PTPN13: variants seen among roughly 807,000 people sequenced by gnomAD.
PTPN13 encodes the protein protein tyrosine phosphatase non-receptor type 13.
PTPN13 carries 191 observed loss-of-function variants against 284.0 expected under a neutral mutation model. The observed-to-expected ratio is 0.67, with a 90% CI of 0.60 to 0.76. The LOEUF (loss-of-function observed/expected upper bound fraction) is 0.76, where lower values mean the gene tolerates loss of function less well. Among genes scored for constraint, PTPN13 ranks in the 30% least tolerant of loss-of-function variants. The pLI, the probability that PTPN13 is intolerant of heterozygous loss-of-function variation, is 0.00. For synonymous variants in PTPN13, 986 were observed against 1,022.3 expected, an observed-to-expected ratio of 0.96 and a Z score of 0.68; for missense variants, 2,797 against 2,939.9, an observed-to-expected ratio of 0.95 and a Z score of 1.12.
At chr4:86,612,856 T>C (rs1243084444) in intron 1 of PTPN13, among the ~76,000 whole-genome samples, 1 of 152,220 alleles carries the variant, frequency 6.6e-6, no homozygotes, top group Non-Finnish European at 1.5e-5. Context: ...CTAAAATTTC[T>C]ACCCAAAGAA....
intron 1 of PTPN13, among the ~76,000 whole-genome samples, chr4:86,617,571 C>T (rs991856392): frequency 1.3e-5 from 2 of 152,056 alleles, no homozygotes; most frequent in Non-Finnish European, 2.9e-5. Context: ...GCTATCCCTC[C>T]CCCTTCCCCT....
chr4:86,648,676 G>T (rs1578332798), intron 2 of PTPN13, among the ~76,000 whole-genome samples: 1 of 152,174 alleles, frequency 6.6e-6, no homozygotes, highest in African/African-American at 2.4e-5. Context: ...GGTGAATAGT[G>T]CTGCCATAAA....
intron 23 of PTPN13, 123 bp downstream of exon 23, chr4:86,759,196 A>C: frequency 5.2e-6 from 5 of 958,870 alleles, no homozygotes; most frequent in Non-Finnish European, 7.6e-6. Flanking sequence ...GTAAACTGTG[A>C]TTACTTAATG....
intron 1 of PTPN13, among the ~76,000 whole-genome samples, chr4:86,606,873 T>C (rs755960217): frequency 6.6e-6 from 1 of 151,944 alleles, no homozygotes; most frequent in Non-Finnish European, 1.5e-5. Flanking sequence ...AGGATTGTCA[T>C]TGCCTTGATT....
chr4:86,785,923 A>G lies in PTPN13; in HGVS notation c.6332A>G (p.Glu2111Gly). 1 of 1,547,690 alleles carries G rather than the reference A, an allele frequency of 6.5e-7. No individual in the cohort carries two copies. Among genetic ancestry groups the G allele is most frequent in the Non-Finnish European group, 8.8e-7 (1 of 1,142,622 alleles). ...GACTGCGATGGTTCACCTTTACCTG[A>G]GTATTTTACTGAGGTAACAATAATA... ...DTDCDGSPLP[E>G]YFTEATKMNG... Residue 2111 changes from glutamate (E) to glycine (G), a missense_variant, in exon 40 of 48, where the codon GAG becomes GGG. Coordinates refer to ENST00000411767, the MANE Select transcript of PTPN13 (RefSeq NM_080683.3).
rs545331167 is a variant in PTPN13, at chr4:86,810,795, G to C, written c.7300-251G>C. On this transcript the variant is annotated intron_variant, in intron 46 of 47. Coordinates refer to ENST00000411767, the MANE Select transcript of PTPN13 (RefSeq NM_080683.3). ...ATTAGTCACACTTCAGGGGGAAGAT[G>C]ATTTCTTTTCTTTGGGGGATTTTCA... 5.9e-5 allele frequency among the ~76,000 whole-genome samples: 9 copies of C among 152,286 alleles called. No homozygotes were observed. In the East Asian group the frequency reaches 1.7e-3, roughly 29 times the overall value.
intron 47 of PTPN13, among the ~76,000 whole-genome samples, chr4:86,813,488 C>G (rs1033568650): frequency 6.6e-6 from 1 of 152,124 alleles, no homozygotes; most frequent in Non-Finnish European, 1.5e-5. Context: ...CTCTGTCACC[C>G]AGGCTGGAGC....
chr4:86,769,893 T>C lies in PTPN13; in HGVS notation c.4614T>C (p.Pro1538=), dbSNP rs762139708. ...TAGTAAGGGTTAAAAAGCTCTTTCC[T>C]GGACAGCCAGCAGCAGAAAGTGGAA... is the stretch of plus-strand genomic sequence containing the variant. ...ASIVRVKKLF[P]GQPAAESGKI... Residue 1538 remains proline, a synonymous_variant, in exon 29 of 48, where the codon CCT becomes CCC. Transcript: ENST00000411767. 1 of 1,613,982 alleles carries C rather than the reference T, an allele frequency of 6.2e-7. No homozygotes were observed. The highest frequency in any genetic ancestry group is 8.5e-7 in the Non-Finnish European group (1 of 1,179,870).
chr4:86,702,202 C>T (rs76692354), intron 7 of PTPN13, among the ~76,000 whole-genome samples: 7,523 of 152,276 alleles, frequency 0.049, 254 homozygotes, highest in African/African-American at 0.071. Flanking sequence ...AGCAGTTCAT[C>T]AAAATCAGCA....
At chr4:86,794,547 C>CT (rs1743092390) in intron 40 of PTPN13, among the ~76,000 whole-genome samples, 1 of 152,126 alleles carries the variant, frequency 6.6e-6, no homozygotes, top group Non-Finnish European at 1.5e-5. Flanking sequence ...GAAAAAACTA[C>CT]TTTAAAGTTC....
intron 1 of PTPN13, among the ~76,000 whole-genome samples, chr4:86,629,729 A>G (rs977248038): frequency 1.3e-5 from 2 of 151,984 alleles, no homozygotes; most frequent in Non-Finnish European, 2.9e-5. Flanking sequence ...TTTTAAATGA[A>G]CATTCTTATT....
At chr4:86,681,858 G>A (rs1255442092) in intron 3 of PTPN13, among the ~76,000 whole-genome samples, 1 of 152,044 alleles carries the variant, frequency 6.6e-6, no homozygotes, top group Non-Finnish European at 1.5e-5. Flanking sequence ...GAACCCAGGA[G>A]GCGAAGGTTG....
In PTPN13 at chr4:86,814,522, C is replaced by A. The variant is rs373179030; in HGVS notation, c.7429C>A (p.Gln2477Lys). 2 of 1,612,112 alleles carry A rather than the reference C, an allele frequency of 1.2e-6. No individual in the cohort carries two copies. Among genetic ancestry groups the A allele is most frequent in the African/African-American group, 1.3e-5 (1 of 74,688 alleles). Residue 2477 changes from glutamine to lysine, a missense_variant, in exon 48 of 48, where the codon CAA (glutamine) becomes AAA (lysine). By Grantham distance (53) the Gln-to-Lys change is moderately conservative. Coordinates refer to ENST00000411767, the MANE Select transcript of PTPN13 (RefSeq NM_080683.3). ...VLTRLQAEEEQKQQPQLLK is the reference protein window; with the variant it reads ...VLTRLQAEEEKKQQPQLLK ...GACACGTCTTCAAGCAGAAGAAGAG[C>A]AAAAACAGCAGCCTCAGCTTCTGAA...
chr4:86,801,774 A>G (rs1388211114), intron 42 of PTPN13, among the ~76,000 whole-genome samples: 1 of 152,204 alleles, frequency 6.6e-6, no homozygotes, highest in Non-Finnish European at 1.5e-5. Flanking sequence ...ATGTAGAAAT[A>G]CTGGCCTCCA....
intron 37 of PTPN13, among the ~76,000 whole-genome samples, chr4:86,783,779 T>C (rs1741596143): frequency 6.6e-6 from 1 of 152,128 alleles, no homozygotes; most frequent in Non-Finnish European, 1.5e-5. Flanking sequence ...TCCAAGCATT[T>C]ATTTTTGCAT....
intron 2 of PTPN13, among the ~76,000 whole-genome samples, chr4:86,636,771 GA>G (rs1723068454): frequency 2.0e-5 from 3 of 152,028 alleles, no homozygotes. Flanking sequence ...GAAAGAACTA[GA>G]AAAGCAAGAA....
chr4:86,626,471 T>A (rs574210566), intron 1 of PTPN13, among the ~76,000 whole-genome samples: 1 of 152,118 alleles, frequency 6.6e-6, no homozygotes, highest in Non-Finnish European at 1.5e-5. Flanking sequence ...TCCTATTCTT[T>A]CTTAGTTTTT....
At chr4:86,778,520 C>A (rs961600602) in intron 35 of PTPN13, among the ~76,000 whole-genome samples, 9 of 152,180 alleles carry the variant, frequency 5.9e-5, no homozygotes, top group Non-Finnish European at 1.0e-4. Context: ...GCAAAACACA[C>A]AAACCAGCTT....
chr4:86,792,214 A>G (rs546916107), intron 40 of PTPN13, among the ~76,000 whole-genome samples: 19 of 152,360 alleles, frequency 1.2e-4, no homozygotes, highest in Middle Eastern at 3.4e-3. Flanking sequence ...TGACACATGC[A>G]CAAGCTTCAA....
Sources: allele counts gnomAD v4.1 joint callset (sites outside exome capture counted in the v4.1 genomes callset), GRCh38; gene constraint gnomAD v4.1.1; transcripts MANE v1.5; gene names NCBI Gene and HGNC (gene_info 2026-07-23, HGNC 2026-07-21).